Variants in CA10 observed in about 807,000 individuals in gnomAD.
CA10 encodes carbonic anhydrase-related protein 10.
In CA10, 14 loss-of-function variants were observed where a neutral mutation model predicts 44.2. The ratio of observed to expected loss-of-function variants is 0.32; its 90% CI spans 0.21 to 0.50. The LOEUF (loss-of-function observed/expected upper bound fraction) is 0.50, where lower values mean the gene tolerates loss of function less well. Ranked by LOEUF, CA10 falls within the 20% of genes least tolerant of loss-of-function variation. The probability of loss-of-function intolerance (pLI) is 0.99; values close to 1 mark genes in which losing one functional copy is unlikely to be tolerated. For synonymous variants in CA10, 159 were observed against 141.6 expected (o/e 1.12, Z -0.87); for missense variants, 350 against 409.7 (o/e 0.85, Z 1.26).
intron 6 of CA10, among the ~76,000 whole-genome samples, chr17:51,638,853 C>G (rs538253351): frequency 3.4e-4 from 51 of 152,188 alleles, no homozygotes; most frequent in African/African-American, 1.1e-3. Context: ...AGCTGGGAAT[C>G]GGGTAGGGTG....
intron 3 of CA10, among the ~76,000 whole-genome samples, chr17:51,838,566 A>G (rs1005001563): frequency 6.6e-6 from 1 of 152,260 alleles, no homozygotes; most frequent in Admixed American, 6.5e-5. Flanking sequence ...TAACACTCAG[A>G]GGAAAAGAGC....
intron 3 of CA10, among the ~76,000 whole-genome samples, chr17:51,780,305 G>T (rs1460417680): frequency 6.6e-6 from 1 of 152,214 alleles, no homozygotes. Context: ...TCATGGTGCA[G>T]AGGAAGGCAT....
intron 1 of CA10, among the ~76,000 whole-genome samples, chr17:52,088,224 T>TA (rs1030228950): frequency 1.2e-4 from 18 of 152,050 alleles, no homozygotes; most frequent in Admixed American, 7.2e-4. Context: ...CCCTTGAACT[T>TA]AAAAAAAGTT....
intron 6 of CA10, among the ~76,000 whole-genome samples, chr17:51,643,792 A>C (rs563010641): frequency 3.3e-5 from 5 of 152,306 alleles, no homozygotes; most frequent in Admixed American, 2.0e-4. Context: ...ACCTTAAGAC[A>C]ACTTAGAAAT....
chr17:51,926,988 G>T (rs887463894), intron 3 of CA10, among the ~76,000 whole-genome samples: 14 of 152,188 alleles, frequency 9.2e-5, no homozygotes, highest in Middle Eastern at 3.4e-3. Context: ...ATTAATGCAA[G>T]TCTGTTTTAG....
At chr17:52,143,497 G>A (rs1004913185) in intron 1 of CA10, among the ~76,000 whole-genome samples, 8 of 152,082 alleles carry the variant, frequency 5.3e-5, no homozygotes, top group African/African-American at 1.9e-4. Context: ...ATATAATCAT[G>A]TGAAAAATGT....
chr17:51,756,489 T>TTTTTG (rs1905084239), intron 3 of CA10, among the ~76,000 whole-genome samples: 1 of 144,962 alleles, frequency 6.9e-6, no homozygotes, highest in African/African-American at 2.5e-5. Flanking sequence ...TTTTTTTTTT[T>TTTTTG]GAGTCTTTGC....
chr17:51,715,219 G>T (rs1339111920), intron 4 of CA10, among the ~76,000 whole-genome samples: 1 of 152,052 alleles, frequency 6.6e-6, no homozygotes, highest in Non-Finnish European at 1.5e-5. Context: ...ACTGTTGTGG[G>T]GTGGGGGGTG....
intron 2 of CA10, among the ~76,000 whole-genome samples, chr17:51,932,126 A>T (rs1280016570): frequency 6.6e-6 from 1 of 152,056 alleles, no homozygotes; most frequent in African/African-American, 2.4e-5. Context: ...GCAGGTAAGC[A>T]CAAGAACAAC....
chr17:51,772,467 C>A (rs1186132724), intron 3 of CA10, among the ~76,000 whole-genome samples: 1 of 151,862 alleles, frequency 6.6e-6, no homozygotes, highest in African/African-American at 2.4e-5. Flanking sequence ...ATATATATAT[C>A]CCTAACATTT....
chr17:51,653,525 T>C, intron 5 of CA10, 116 bp downstream of exon 5: 1 of 681,426 alleles, frequency 1.5e-6, no homozygotes, highest in Admixed American at 2.3e-5. Flanking sequence ...ATCCCATAGT[T>C]TTCTTAGGCA....
At chr17:51,725,777 G>T (rs1916495738) in intron 4 of CA10, among the ~76,000 whole-genome samples, 1 of 152,154 alleles carries the variant, frequency 6.6e-6, no homozygotes, top group Non-Finnish European at 1.5e-5. Context: ...GCTGTAATGG[G>T]CCCTGGGCTT....
intron 2 of CA10, among the ~76,000 whole-genome samples, chr17:51,965,528 T>C (rs1339708933): frequency 6.6e-6 from 1 of 152,040 alleles, no homozygotes; most frequent in East Asian, 1.9e-4. Flanking sequence ...GTAGGCTTCA[T>C]TTCTGAGATG....
At chr17:52,148,249 T>C (rs1252751449) in intron 1 of CA10, among the ~76,000 whole-genome samples, 1 of 152,140 alleles carries the variant, frequency 6.6e-6, no homozygotes, top group Non-Finnish European at 1.5e-5. Flanking sequence ...TAAAGTGTTG[T>C]TTTCTCCCAA....
At chr17:52,101,093 T>C (rs967525388) in intron 1 of CA10, among the ~76,000 whole-genome samples, 4 of 152,168 alleles carry the variant, frequency 2.6e-5, no homozygotes, top group African/African-American at 7.2e-5. Context: ...CTGAGAATAA[T>C]GTAAGCTGAT....
At chr17:52,072,509 T>A in intron 1 of CA10, 116 bp from the exon 2 acceptor site, 1 of 657,664 alleles carries the variant, frequency 1.5e-6, no homozygotes, top group Non-Finnish European at 2.6e-6. Context: ...CCCAAAGTCA[T>A]ACTACAACAG....
intron 6 of CA10, among the ~76,000 whole-genome samples, chr17:51,640,313 G>C (rs1913027662): frequency 6.6e-6 from 1 of 152,144 alleles, no homozygotes; most frequent in African/African-American, 2.4e-5. Context: ...ATGAGGGGAA[G>C]CATCTCTGAG....
intron 2 of CA10, among the ~76,000 whole-genome samples, chr17:52,046,545 C>T (rs546474817): frequency 3.0e-4 from 45 of 151,790 alleles, no homozygotes; most frequent in Non-Finnish European, 5.9e-4. Context: ...AGTCATATAA[C>T]AATTCAAGAT....
At chr17:52,114,934 T>C in intron 1 of CA10, among the ~76,000 whole-genome samples, 1 of 152,170 alleles carries the variant, frequency 6.6e-6, no homozygotes, top group East Asian at 1.9e-4. Flanking sequence ...GGCCCCCTAA[T>C]GCTATGCTCT....
Sources: allele counts gnomAD v4.1 joint callset (sites outside exome capture counted in the v4.1 genomes callset), GRCh38; gene constraint gnomAD v4.1.1; transcripts MANE v1.5; gene names NCBI Gene and HGNC (gene_info 2026-07-23, HGNC 2026-07-21).